The following USP49 variants were observed in gnomAD, a reference collection of about 807,000 sequenced individuals.
The protein encoded by USP49 is ubiquitin specific peptidase 49.
USP49 carries 24 observed loss-of-function variants against 58.6 expected under a neutral mutation model. The observed-to-expected ratio is 0.41, with a 90% CI of 0.30 to 0.58. The LOEUF (loss-of-function observed/expected upper bound fraction) is 0.58, where lower values mean the gene tolerates loss of function less well. Ranked by LOEUF, USP49 falls within the 20% of genes least tolerant of loss-of-function variation. The pLI, the probability that USP49 is intolerant of heterozygous loss-of-function variation, is 0.30. For synonymous variants in USP49, 408 were observed against 365.1 expected (o/e 1.12, Z -1.34); for missense variants, 703 against 866.1 (o/e 0.81, Z 2.36).
chr6:41,846,722 T>C (rs1773929836), intron 3 of USP49, among the ~76,000 whole-genome samples: 2 of 152,234 alleles, frequency 1.3e-5, no homozygotes, highest in Admixed American at 1.3e-4. Flanking sequence ...GCATGTCCTT[T>C]CATGTCCTTC....
chr6:41,797,702 T>G (rs1433830171), intron 7 of USP49: 1 of 985,888 alleles, frequency 1.0e-6, no homozygotes, highest in Non-Finnish European at 1.2e-6. Flanking sequence ...AATATCTCCT[T>G]GAGGTTACAC....
chr6:41,844,784 C>T (rs932408825), intron 3 of USP49, among the ~76,000 whole-genome samples: 4 of 152,104 alleles, frequency 2.6e-5, no homozygotes, highest in East Asian at 1.9e-4. Context: ...TGCTCATAAC[C>T]GCTGTATCTG....
Position 41,797,975 on chromosome 6 carries a change from C to G in USP49, c.1876+749G>C, listed in dbSNP as rs1772916179. The G allele has an allele frequency of 1.1e-5, 3 of 263,898 alleles. No homozygotes were observed. In the South Asian group the frequency reaches 4.3e-4, roughly 38 times the overall value. The allele number at this position is 263,898 out of a possible 1,614,324, so 16.3% of individuals were successfully genotyped here. On this transcript the variant is annotated intron_variant, in intron 7 of 7. Transcript: ENST00000682992. Reference sequence around the variant, plus strand: ...TTCAAACTCCTGGGCTTGAGCAATTCTCCCACCTCAGCCTCCCAAGTAGCT... The same window carrying G: ...TTCAAACTCCTGGGCTTGAGCAATTGTCCCACCTCAGCCTCCCAAGTAGCT...
intron 3 of USP49, among the ~76,000 whole-genome samples, chr6:41,848,099 G>C (rs1482072993): frequency 6.6e-6 from 1 of 152,118 alleles, no homozygotes; most frequent in African/African-American, 2.4e-5. Context: ...CTCCAAAGAA[G>C]TAGTTTTCTG....
At position 41,877,841 on chromosome 6, in the gene USP49, G is replaced by A. The variant is rs116172794; in HGVS notation, c.-102-6204C>T. ...CTACAAAAGTGCTGGGATTATAGGC[G>A]TGGGCCACCACCACGCTGGGCTGAG... is the stretch of plus-strand genomic sequence containing the variant. On this transcript the variant is annotated intron_variant, in intron 2 of 7. Coordinates refer to ENST00000682992, the MANE Select transcript of USP49 (RefSeq NM_001286554.2). Among the ~76,000 whole-genome samples the A allele has an allele frequency of 3.4e-3, 512 of 152,272 alleles. 4 individuals are homozygous for A. Among genetic ancestry groups the A allele is most frequent in the African/African-American group, 0.012 (489 of 41,550 alleles).
Position 41,867,552 on chromosome 6 carries a change from G to A in USP49, c.-29+4012C>T, listed in dbSNP as rs1301147455. 2.1e-5 allele frequency among the ~76,000 whole-genome samples: 3 copies of A among 146,286 alleles called. No homozygotes were observed. In the Admixed American group the frequency reaches 2.1e-4, roughly 10 times the overall value. ...AGGTCAGGAGATTGAGACCATCCTG[G>A]CTAATATGGTGAAACCCCGTCTCTA... On this transcript the variant is annotated intron_variant, in intron 3 of 7. Transcript: ENST00000682992.
intron 3 of USP49, among the ~76,000 whole-genome samples, chr6:41,851,612 A>G (rs1036963225): frequency 6.6e-6 from 1 of 152,236 alleles, no homozygotes; most frequent in Non-Finnish European, 1.5e-5. Flanking sequence ...TCTATTCAAC[A>G]TAATGTTGAA....
At position 41,806,369 on chromosome 6, in the gene USP49, C is replaced by A. The variant is rs757809594; in HGVS notation, c.615G>T (p.Pro205=). The part of the protein sequence containing the change: ...RLLEELASTP[P]RKSARLLLHT... ...GCAGGAGCAGCCGTGCACTCTTGCG[C>A]GGAGGGGTGCTGGCCAGCTCCTCCA... Residue 205 remains proline (P), a synonymous_variant, in exon 4 of 8, where the codon CCG becomes CCT. Coordinates refer to ENST00000682992, the MANE Select transcript of USP49 (RefSeq NM_001286554.2). This position sits in a 1 kb window ranked among gnomAD's most constrained non-coding sequence, Gnocchi z 5.9. 1 of 1,537,004 alleles carries A rather than the reference C, an allele frequency of 6.5e-7. No homozygotes were observed.
At chr6:41,853,163 G>A (rs1420384879) in intron 3 of USP49, among the ~76,000 whole-genome samples, 2 of 152,168 alleles carry the variant, frequency 1.3e-5, no homozygotes, top group Admixed American at 1.3e-4. Context: ...TCCAGCCTGG[G>A]CAACAAGAGC....
chr6:41,878,581 C>T (rs904185661), intron 2 of USP49, among the ~76,000 whole-genome samples: 7 of 152,180 alleles, frequency 4.6e-5, no homozygotes, highest in South Asian at 2.1e-4. Flanking sequence ...TAAATCTAAT[C>T]CTGCTTCTTA....
chr6:41,857,849 CAGTA>C (rs1774157205), intron 3 of USP49, among the ~76,000 whole-genome samples: 2 of 152,334 alleles, frequency 1.3e-5, no homozygotes, highest in South Asian at 4.1e-4. Flanking sequence ...CATAGTTCAT[CAGTA>C]AGTGAGGATT....
At chr6:41,850,673 C>T (rs999083402) in intron 3 of USP49, among the ~76,000 whole-genome samples, 2 of 150,332 alleles carry the variant, frequency 1.3e-5, no homozygotes, top group Non-Finnish European at 3.0e-5. Flanking sequence ...GGCGCCATCT[C>T]GGTTCACTGC....
At chr6:41,808,523 C>T (rs1224900643) in intron 3 of USP49, among the ~76,000 whole-genome samples, 1 of 151,456 alleles carries the variant, frequency 6.6e-6, no homozygotes, top group Non-Finnish European at 1.5e-5. Flanking sequence ...GATTCTCCTG[C>T]CTCAGCCTCC....
rs934246816 is a variant in USP49 at position 41,883,602 on chromosome 6, G to A, written c.-103+8192C>T. 4.0e-5 allele frequency among the ~76,000 whole-genome samples: 6 copies of A among 151,528 alleles called. 1 individual carries two copies. Among genetic ancestry groups the A allele is most frequent in the Admixed American group, 1.3e-4 (2 of 15,168 alleles). ...CATGCCACTGCATTCCAGCCTGAGC[G>A]ACAGAGCGAGACTCCATCTCAAAAT... is the stretch of plus-strand genomic sequence containing the variant. On this transcript the variant is annotated intron_variant, in intron 2 of 7. Transcript: ENST00000682992.
At position 41,792,946 on chromosome 6, in the gene USP49, C is replaced by T. The variant is rs1267093306; in HGVS notation, c.*3587G>A. ...ATTTCTCCCTCCCGGCCAGCCCACC[C>T]TCCTCCCACCCACCACCCGCCATCC... On this transcript the variant is annotated 3_prime_UTR_variant, in exon 8 of 8. Transcript: ENST00000682992. 1 of 149,588 alleles carries T rather than the reference C, an allele frequency of 6.7e-6. No individual in the cohort carries two copies. Among genetic ancestry groups the T allele is most frequent in the Non-Finnish European group, 1.5e-5 (1 of 67,476 alleles). 9.3% of individuals were successfully genotyped at this position (149,588 alleles called of 1,614,324 possible).
In USP49 at chr6:41,792,210, T is replaced by C. The variant is rs1398869292; in HGVS notation, c.*4323A>G. Reference sequence around the variant, plus strand: ...GGAGAGCTGGGACGGGTGCCTTCTCTTTTGCACCACTCCCTTTGCATATTA... The same window carrying C: ...GGAGAGCTGGGACGGGTGCCTTCTCCTTTGCACCACTCCCTTTGCATATTA... On this transcript the variant is annotated 3_prime_UTR_variant, in exon 8 of 8. Transcript: ENST00000682992. 2 of 152,238 alleles carry C rather than the reference T, an allele frequency of 1.3e-5. No individual in the cohort carries two copies. The highest frequency in any genetic ancestry group is 1.5e-5 in the Non-Finnish European group (1 of 68,058). 9.4% of individuals were successfully genotyped at this position (152,238 alleles called of 1,614,324 possible).
chr6:41,806,186 G>A lies in USP49; in HGVS notation c.798C>T (p.Ser266=). 6.2e-7 allele frequency: 1 copy of A among 1,613,190 alleles called. No homozygotes were observed. Among genetic ancestry groups the A allele is most frequent in the Non-Finnish European group, 8.5e-7 (1 of 1,180,030 alleles). ...GGAGGTGGCTGAGCACCTGGAGGAT[G>A]GAGTTCATGTAGCAGGTGTTGCCCA... ...RNLGNTCYMN[S]ILQVLSHLQK... Residue 266 remains serine, a synonymous_variant, in exon 4 of 8, where the codon TCC becomes TCT. Coordinates refer to ENST00000682992, the MANE Select transcript of USP49 (RefSeq NM_001286554.2). The surrounding 1 kb of genome is among the most constrained non-coding windows in gnomAD (Gnocchi z 5.9).
chr6:41,891,555 T>A (rs2127367500), intron 2 of USP49, among the ~76,000 whole-genome samples: 2 of 152,330 alleles, frequency 1.3e-5, no homozygotes, highest in East Asian at 3.9e-4. Context: ...GCTACTATTA[T>A]TAAGTTTATG....
At chr6:41,809,675 A>T (rs1027730419) in intron 3 of USP49, among the ~76,000 whole-genome samples, 10 of 151,070 alleles carry the variant, frequency 6.6e-5, no homozygotes, top group Non-Finnish European at 1.5e-4. Context: ...AAATACAAAA[A>T]ATTAGCCAGG....
Sources: allele counts gnomAD v4.1 joint callset (sites outside exome capture counted in the v4.1 genomes callset), GRCh38; gene constraint gnomAD v4.1.1; non-coding constraint Gnocchi (gnomAD v3.1); transcripts MANE v1.5; gene names NCBI Gene and HGNC (gene_info 2026-07-23, HGNC 2026-07-21).